Variants in BRINP1 observed in about 807,000 individuals in gnomAD.
The protein encoded by BRINP1 is BMP/retinoic acid inducible neural specific 1, also known as BMP/retinoic acid-inducible neural-specific protein 1.
Under a neutral mutation model 72.9 loss-of-function variants are expected in BRINP1, and 17 were observed. The observed-to-expected ratio is 0.23, with a 90% confidence interval of 0.16 to 0.35. The LOEUF is 0.35. BRINP1 is among the 10% of genes least tolerant of loss of function. The probability of loss-of-function intolerance (pLI) is 1.00; values close to 1 mark genes in which losing one functional copy is unlikely to be tolerated. For synonymous variants in BRINP1, 418 were observed against 378.5 expected, an observed-to-expected ratio of 1.10 and a Z score of -1.21; for missense variants, 850 against 1,001.6, an observed-to-expected ratio of 0.85 and a Z score of 2.04.
chr9:119,357,133 A>G (rs1831577047), intron 1 of BRINP1, among the ~76,000 whole-genome samples: 1 of 152,210 alleles, frequency 6.6e-6, no homozygotes, highest in East Asian at 1.9e-4. Context: ...ATCTGGGCTC[A>G]TGTTCTTTTA....
At chr9:119,278,555 G>A (rs1830678120) in intron 2 of BRINP1, among the ~76,000 whole-genome samples, 1 of 152,216 alleles carries the variant, frequency 6.6e-6, no homozygotes. Context: ...TAAGAAGTGA[G>A]TAAATAAGAC....
At chr9:119,240,841 C>T (rs1251320716) in intron 4 of BRINP1, among the ~76,000 whole-genome samples, 1 of 152,108 alleles carries the variant, frequency 6.6e-6, no homozygotes, top group Non-Finnish European at 1.5e-5. Context: ...CCGTTTTTCC[C>T]TATAGATATC....
At chr9:119,359,439 C>T (rs576833127) in intron 1 of BRINP1, among the ~76,000 whole-genome samples, 1 of 152,182 alleles carries the variant, frequency 6.6e-6, no homozygotes. Flanking sequence ...CGGCCTCAAG[C>T]GATCTTCCTG....
At position 119,368,936 on chromosome 9, in the gene BRINP1, G is replaced by T. The variant is rs1262229015; in HGVS notation, c.-51+120C>A. The T allele has an allele frequency of 1.1e-5, 4 of 379,106 alleles. No homozygotes were observed. The highest frequency in any genetic ancestry group is 6.6e-4 in the Middle Eastern group (1 of 1,508). 23.5% of individuals were successfully genotyped at this position (379,106 alleles called of 1,614,324 possible). A position where few individuals can be genotyped will look rare whatever the true frequency, so the allele number is the denominator to read the frequency against. On this transcript the variant is annotated intron_variant, in intron 1 of 7. Transcript: ENST00000265922. This position sits in a 1 kb window ranked among gnomAD's most constrained non-coding sequence, Gnocchi z 4.7. ...GGAGGCGGCGGGGCGGCCAGGTGAA[G>T]AGCGGACAAGGGTGCCGGTAGGGGG...
At chr9:119,305,086 T>A (rs1013247784) in intron 2 of BRINP1, among the ~76,000 whole-genome samples, 2 of 152,236 alleles carry the variant, frequency 1.3e-5, no homozygotes, top group African/African-American at 4.8e-5. Flanking sequence ...TGTTAGTGCA[T>A]CAGCATTTTA....
intron 3 of BRINP1, among the ~76,000 whole-genome samples, chr9:119,244,384 G>A (rs1443549992): frequency 1.3e-5 from 2 of 152,196 alleles, no homozygotes; most frequent in African/African-American, 4.8e-5. Context: ...GGGGAACAAG[G>A]ACTCCATCCA....
At chr9:119,354,189 C>G (rs932014892) in intron 1 of BRINP1, among the ~76,000 whole-genome samples, 1 of 152,016 alleles carries the variant, frequency 6.6e-6, no homozygotes, top group Non-Finnish European at 1.5e-5. Flanking sequence ...ATGGAAAATA[C>G]ATTTGTCTAG....
intron 1 of BRINP1, among the ~76,000 whole-genome samples, chr9:119,359,295 A>G (rs1831604891): frequency 6.6e-6 from 1 of 152,208 alleles, no homozygotes; most frequent in Non-Finnish European, 1.5e-5. Flanking sequence ...CTTGGCCCAC[A>G]TAATCCTCCT....
At chr9:119,220,541 A>C (rs1830029448) in intron 5 of BRINP1, among the ~76,000 whole-genome samples, 2 of 152,242 alleles carry the variant, frequency 1.3e-5, no homozygotes, top group Middle Eastern at 3.4e-3. Flanking sequence ...GAATTGTTGG[A>C]GGAAATAAGA....
chr9:119,295,758 C>T (rs967122043), intron 2 of BRINP1, among the ~76,000 whole-genome samples: 1 of 152,134 alleles, frequency 6.6e-6, no homozygotes, highest in Non-Finnish European at 1.5e-5. Context: ...AATTCGTCTT[C>T]AACAAGGGTT....
At chr9:119,198,393 C>T (rs1829763543) in intron 7 of BRINP1, among the ~76,000 whole-genome samples, 2 of 152,132 alleles carry the variant, frequency 1.3e-5, no homozygotes, top group Non-Finnish European at 2.9e-5. Flanking sequence ...TCCATCACGC[C>T]ATGCAGAAAA....
In BRINP1 at chr9:119,292,914, C is replaced by T. The variant is rs528414254; in HGVS notation, c.218+20224G>A. Among the ~76,000 whole-genome samples, 9 of 152,278 alleles carry T rather than the reference C, an allele frequency of 5.9e-5. No homozygotes were observed. The South Asian group carries it at 1.9e-3, about 32-fold the overall frequency. ...GAATGGGAGTTTAGAACCAAGGTTACTAGCAAGAGTTTTCCCTGAGAAGAT... is the reference window on the plus strand; with the variant it reads ...GAATGGGAGTTTAGAACCAAGGTTATTAGCAAGAGTTTTCCCTGAGAAGAT... On this transcript the variant is annotated intron_variant, in intron 2 of 7. Transcript: ENST00000265922.
chr9:119,267,636 C>CAATAAATAAATA lies in BRINP1; in HGVS notation c.219-18498_219-18487dup, dbSNP rs139819911. On this transcript the variant is annotated intron_variant, in intron 2 of 7. Coordinates refer to ENST00000265922, the MANE Select transcript of BRINP1 (RefSeq NM_014618.3). ...GGGCAACAAGAGTGAAACTCCATCT[C>CAATAAATAAATA]AATAAATAAATAAATAAATAAATAA... Among the ~76,000 whole-genome samples the CAATAAATAAATA allele has an allele frequency of 4.1e-3, 593 of 145,140 alleles. 1 individual carries two copies. The highest frequency in any genetic ancestry group is 9.5e-3 in the East Asian group (45 of 4,758).
chr9:119,355,883 T>C (rs73536334), intron 1 of BRINP1, among the ~76,000 whole-genome samples: 2,349 of 152,346 alleles, frequency 0.015, 65 homozygotes, highest in African/African-American at 0.053. Context: ...ACATTTCTTC[T>C]TCACAGACTT....
At chr9:119,254,902 AC>A (rs1452006998) in intron 2 of BRINP1, among the ~76,000 whole-genome samples, 1 of 152,186 alleles carries the variant, frequency 6.6e-6, no homozygotes, top group Non-Finnish European at 1.5e-5. Flanking sequence ...CTTCACTCTA[AC>A]TCCATTCATA....
chr9:119,291,058 G>T (rs1830816808), intron 2 of BRINP1, among the ~76,000 whole-genome samples: 1 of 151,510 alleles, frequency 6.6e-6, no homozygotes, highest in African/African-American at 2.4e-5. Flanking sequence ...GGGAGGCAGA[G>T]GTTGCAGTGA....
rs181807275 is a variant in BRINP1 at position 119,322,032 on chromosome 9, C to T, written c.-50-8627G>A. 4.3e-4 allele frequency among the ~76,000 whole-genome samples: 66 copies of T among 152,314 alleles called. No homozygotes were observed. The East Asian group carries it at 8.3e-3, about 19-fold the overall frequency. ...CTTAGAGCCATTGGGTTGAGCCACT[C>T]TCCTCTTGCCTCCAAAATCAACAAA... is the stretch of plus-strand genomic sequence containing the variant. On this transcript the variant is annotated intron_variant, in intron 1 of 7. Transcript: ENST00000265922.
intron 2 of BRINP1, among the ~76,000 whole-genome samples, chr9:119,278,427 T>C (rs1329048489): frequency 6.6e-6 from 1 of 152,256 alleles, no homozygotes; most frequent in Non-Finnish European, 1.5e-5. Flanking sequence ...TGGCCTCATA[T>C]AGAGCCTATT....
At chr9:119,232,196 C>T (rs1029949282) in intron 5 of BRINP1, among the ~76,000 whole-genome samples, 20 of 152,078 alleles carry the variant, frequency 1.3e-4, no homozygotes, top group African/African-American at 4.6e-4. Context: ...AGTTCATTAC[C>T]AAATCATGTC....
Sources: gnomAD v4.1 joint callset for allele counts (sites outside exome capture counted in the v4.1 genomes callset) on GRCh38, gnomAD v4.1.1 for gene constraint, Gnocchi (gnomAD v3.1) non-coding constraint, MANE v1.5 for transcripts, NCBI Gene and HGNC (gene_info 2026-07-23, HGNC 2026-07-21) for gene names.